The following KIF13A variants were observed in gnomAD, a reference collection of about 807,000 sequenced individuals.
KIF13A encodes kinesin-like protein KIF13A.
A neutral mutation model predicts 212.2 loss-of-function variants in KIF13A; 79 were observed. The observed-to-expected ratio is 0.37, with a 90% CI of 0.31 to 0.45. KIF13A has a LOEUF of 0.45. Among genes scored for constraint, KIF13A ranks in the 20% least tolerant of loss-of-function variants. KIF13A has a pLI of 1.00. For synonymous variants in KIF13A, 789 were observed against 808.6 expected (o/e 0.98, Z 0.41); for missense variants, 1,901 against 2,209.0 (o/e 0.86, Z 2.79).
At chr6:17,978,925 T>C (rs750479811) in intron 2 of KIF13A, among the ~76,000 whole-genome samples, 3 of 152,180 alleles carry the variant, frequency 2.0e-5, no homozygotes, top group Non-Finnish European at 4.4e-5. Context: ...GATATAATAA[T>C]ATGGCATACA....
At chr6:17,762,592 C>T (rs1317254490), downstream of KIF13A, among the ~76,000 whole-genome samples, 1 of 152,132 alleles carries the variant, frequency 6.6e-6, no homozygotes, top group Middle Eastern at 3.2e-3. Context: ...AGAAGCAAAC[C>T]TAATCTTACA....
chr6:17,877,618 C>T (rs757216680), intron 3 of KIF13A, among the ~76,000 whole-genome samples: 1 of 152,046 alleles, frequency 6.6e-6, no homozygotes, highest in Non-Finnish European at 1.5e-5. Context: ...TAAGTCAACT[C>T]TCCTTACTTT....
At chr6:17,986,495 T>C (rs781731588) in intron 2 of KIF13A, among the ~76,000 whole-genome samples, 5 of 152,006 alleles carry the variant, frequency 3.3e-5, no homozygotes, top group Non-Finnish European at 5.9e-5. Context: ...GCGCATTACA[T>C]TGAGGCATTA....
chr6:17,791,936 G>C (rs1761601589), intron 25 of KIF13A, among the ~76,000 whole-genome samples: 1 of 149,722 alleles, frequency 6.7e-6, no homozygotes, highest in Non-Finnish European at 1.5e-5. Flanking sequence ...GAGCGCAGTG[G>C]CTCACGCCTG....
At chr6:17,815,199 C>T (rs1458275476) in intron 17 of KIF13A, among the ~76,000 whole-genome samples, 1 of 152,240 alleles carries the variant, frequency 6.6e-6, no homozygotes, top group Non-Finnish European at 1.5e-5. Flanking sequence ...TAAGTACTTT[C>T]GCTAATCCTG....
At position 17,984,421 on chromosome 6, in the gene KIF13A, A is replaced by C. The variant is rs1003510; in HGVS notation, c.146+2633T>G. 5.4e-6 allele frequency: 3 copies of C among 559,606 alleles called. No homozygotes were observed. The highest frequency in any genetic ancestry group is 6.8e-6 in the Non-Finnish European group (3 of 440,988). 34.7% of individuals were successfully genotyped at this position (559,606 alleles called of 1,614,324 possible). ...TGTTTCAGAATGGTGATCAGTATAC[A>C]TATCAACTACTAACCTGGACCTATG... On this transcript the variant is annotated intron_variant, in intron 2 of 38. Coordinates refer to ENST00000259711, the MANE Select transcript of KIF13A (RefSeq NM_022113.6). The surrounding 1 kb of genome is among the most constrained non-coding windows in gnomAD (Gnocchi z 5.0).
At position 17,909,107 on chromosome 6, in the gene KIF13A, G is replaced by T. The variant is rs1301995614; in HGVS notation, c.147-10927C>A. ...ATAAATGTTAGATGCCATTGCTGTT[G>T]TTACAACAAATAGTCCTCCTCAATT... On this transcript the variant is annotated intron_variant, in intron 2 of 38. Coordinates refer to ENST00000259711, the MANE Select transcript of KIF13A (RefSeq NM_022113.6). Among the ~76,000 whole-genome samples, 3 of 152,218 alleles carry T rather than the reference G, an allele frequency of 2.0e-5. No homozygotes were observed. The East Asian group carries it at 5.8e-4, about 29-fold the overall frequency.
intron 38 of KIF13A, among the ~76,000 whole-genome samples, chr6:17,770,035 C>T (rs9367965): frequency 1 from 151,519 of 152,276 alleles, 75,383 homozygotes; most frequent in Middle Eastern, 1. Flanking sequence ...TTTCTGAAGA[C>T]CCACCCGCAC....
Position 17,804,494 on chromosome 6 carries a change from C to A in KIF13A, c.2321G>T (p.Gly774Val). ...EKVPEAKRLY[G>V]KRGDPFYEAQ... ...TTCATAGAAAGGGTCACCTCGTTTT[C>A]CGTAGAGTCTCTTTGCCTGAGAAGT... is the stretch of plus-strand genomic sequence containing the variant. Residue 774 changes from glycine to valine, a missense_variant, in exon 20 of 39, where the codon GGA (glycine) becomes GTA (valine). By Grantham distance (109) the Gly-to-Val change is moderately radical. Transcript: ENST00000259711. The A allele has an allele frequency of 6.3e-7, 1 of 1,598,656 alleles. No homozygotes were observed. Among genetic ancestry groups the A allele is most frequent in the Non-Finnish European group, 8.5e-7 (1 of 1,171,936 alleles).
intron 29 of KIF13A, among the ~76,000 whole-genome samples, chr6:17,781,550 C>T (rs773537143): frequency 2.0e-5 from 3 of 151,376 alleles, no homozygotes; most frequent in Non-Finnish European, 4.4e-5. Context: ...GTCTTGAACT[C>T]CTAGGCTCAA....
intron 2 of KIF13A, among the ~76,000 whole-genome samples, chr6:17,970,450 A>G (rs1168251249): frequency 1.8e-4 from 28 of 152,150 alleles, no homozygotes; most frequent in Non-Finnish European, 1.5e-5. Context: ...TAAAAATACA[A>G]AAATTATATA....
intron 3 of KIF13A, among the ~76,000 whole-genome samples, chr6:17,877,620 C>G (rs1212220252): frequency 6.6e-6 from 1 of 152,130 alleles, no homozygotes. Flanking sequence ...AGTCAACTCT[C>G]CTTACTTTAA....
intron 2 of KIF13A, among the ~76,000 whole-genome samples, chr6:17,943,805 C>A (rs1195393808): frequency 1.3e-5 from 2 of 152,162 alleles, no homozygotes; most frequent in Non-Finnish European, 2.9e-5. Flanking sequence ...TGGCATGCAA[C>A]TGGGATGTCC....
intron 2 of KIF13A, among the ~76,000 whole-genome samples, chr6:17,903,596 C>A (rs559471784): frequency 6.6e-6 from 1 of 152,034 alleles, no homozygotes; most frequent in Non-Finnish European, 1.5e-5. Context: ...CAAAATGGCA[C>A]AAGAACTCAC....
chr6:17,925,214 T>C (rs1328257883), intron 2 of KIF13A, among the ~76,000 whole-genome samples: 1 of 152,148 alleles, frequency 6.6e-6, no homozygotes, highest in Non-Finnish European at 1.5e-5. Context: ...ATAGTCTTCT[T>C]TGGGATGTAT....
At chr6:17,929,843 G>A (rs1005248571) in intron 2 of KIF13A, among the ~76,000 whole-genome samples, 1 of 152,146 alleles carries the variant, frequency 6.6e-6, no homozygotes, top group African/African-American at 2.4e-5. Context: ...CACCTGGCCT[G>A]GTTTTACCTT....
intron 2 of KIF13A, among the ~76,000 whole-genome samples, chr6:17,973,941 G>C (rs925013046): frequency 1.3e-5 from 2 of 152,212 alleles, no homozygotes; most frequent in African/African-American, 4.8e-5. Flanking sequence ...TTGGTATCAG[G>C]TGAAGGATAG....
Position 17,839,204 on chromosome 6 carries a change from A to T in KIF13A, c.831-1621T>A, listed in dbSNP as rs1272783429. Among the ~76,000 whole-genome samples the T allele has an allele frequency of 1.3e-5, 2 of 152,224 alleles. No individual in the cohort carries two copies. The highest frequency in any genetic ancestry group is 2.9e-5 in the Non-Finnish European group (2 of 68,046). On this transcript the variant is annotated intron_variant, in intron 9 of 38. Transcript: ENST00000259711. The surrounding 1 kb of genome is among the most constrained non-coding windows in gnomAD (Gnocchi z 4.3). ...AAAAGCCCCGACTTGACCACTGCAC[A>T]ATCTGTGCCTGTAACAAAATTGCAC... is the stretch of plus-strand genomic sequence containing the variant.
rs748514318 is a variant in KIF13A at position 17,789,915 on chromosome 6, T to C, written c.3223-5A>G. 2.5e-6 allele frequency: 4 copies of C among 1,611,546 alleles called. No individual in the cohort carries two copies. Among genetic ancestry groups the C allele is most frequent in the Non-Finnish European group, 3.4e-6 (4 of 1,178,140 alleles). On this transcript the variant is annotated splice_region_variant and splice_polypyrimidine_tract_variant and intron_variant, in intron 25 of 38. Coordinates refer to ENST00000259711, the MANE Select transcript of KIF13A (RefSeq NM_022113.6). This position sits in a 1 kb window ranked among gnomAD's most constrained non-coding sequence, Gnocchi z 4.8. ...ATCACCATCCTCATCATCTCTCTGG[T>C]AGGAAAAAATAAACACAAAGGACAA...
Sources: gnomAD v4.1 joint callset for allele counts (sites outside exome capture counted in the v4.1 genomes callset) on GRCh38, gnomAD v4.1.1 for gene constraint, Gnocchi (gnomAD v3.1) non-coding constraint, MANE v1.5 for transcripts, NCBI Gene and HGNC (gene_info 2026-07-23, HGNC 2026-07-21) for gene names.